Variants in NKAIN2 observed in about 807,000 individuals in gnomAD.
The protein encoded by NKAIN2 is sodium/potassium-transporting ATPase subunit beta-1-interacting protein 2.
In NKAIN2, 14 loss-of-function variants were observed where a neutral mutation model predicts 32.6. The ratio of observed to expected loss-of-function variants is 0.43; its 90% CI spans 0.28 to 0.67. The LOEUF is 0.67. Among genes scored for constraint, NKAIN2 ranks in the 30% least tolerant of loss-of-function variants. The probability of loss-of-function intolerance (pLI) is 0.17; values close to 1 mark genes in which losing one functional copy is unlikely to be tolerated. For missense variants in NKAIN2, 198 were observed against 258.3 expected, an observed-to-expected ratio of 0.77 and a Z score of 1.60; for synonymous variants, 80 against 87.2, an observed-to-expected ratio of 0.92 and a Z score of 0.46.
At chr6:123,886,878 C>T (rs894757634) in intron 1 of NKAIN2, among the ~76,000 whole-genome samples, 1 of 152,016 alleles carries the variant, frequency 6.6e-6, no homozygotes, top group Non-Finnish European at 1.5e-5. Context: ...TTGAAAAATA[C>T]TTAGTGAAAC....
At chr6:124,005,777 G>A (rs1543034) in intron 1 of NKAIN2, among the ~76,000 whole-genome samples, 74,860 of 151,974 alleles carry the variant, frequency 0.49, 18,538 homozygotes, top group East Asian at 0.6. Context: ...CAGGGTGACA[G>A]TGGTACAAGA....
At chr6:124,236,001 A>G (rs1359632992) in intron 1 of NKAIN2, among the ~76,000 whole-genome samples, 4 of 152,110 alleles carry the variant, frequency 2.6e-5, no homozygotes, top group Non-Finnish European at 5.9e-5. Context: ...CAGAGGCAGA[A>G]AATATGTAGT....
chr6:123,977,703 C>G (rs1432416938), intron 1 of NKAIN2, among the ~76,000 whole-genome samples: 1 of 152,176 alleles, frequency 6.6e-6, no homozygotes, highest in Non-Finnish European at 1.5e-5. Flanking sequence ...GTTTGCACTT[C>G]AGACATTCTT....
intron 3 of NKAIN2, among the ~76,000 whole-genome samples, chr6:124,482,094 G>C (rs1777476082): frequency 6.6e-6 from 1 of 152,122 alleles, no homozygotes; most frequent in Non-Finnish European, 1.5e-5. Context: ...ATCTGGGTTA[G>C]AAAGCAGAGT....
chr6:124,024,570 T>A (rs1374860141), intron 1 of NKAIN2, among the ~76,000 whole-genome samples: 1 of 144,356 alleles, frequency 6.9e-6, no homozygotes, highest in Admixed American at 6.7e-5. Flanking sequence ...CTTAGGCTCA[T>A]TTTTTATACT....
intron 1 of NKAIN2, among the ~76,000 whole-genome samples, chr6:124,257,780 C>CTTTTTT (rs374874073): frequency 7.3e-6 from 1 of 136,210 alleles, no homozygotes; most frequent in African/African-American, 2.8e-5. Context: ...TTTTTCTTTT[C>CTTTTTT]TTTTTTTTTT....
intron 1 of NKAIN2, among the ~76,000 whole-genome samples, chr6:124,229,437 C>T (rs1792307895): frequency 6.6e-6 from 1 of 151,984 alleles, no homozygotes; most frequent in Non-Finnish European, 1.5e-5. Flanking sequence ...ATACAATTTA[C>T]TTTCTGGTAA....
chr6:124,774,000 C>T (rs866919379), intron 4 of NKAIN2, among the ~76,000 whole-genome samples: 2 of 152,230 alleles, frequency 1.3e-5, no homozygotes, highest in East Asian at 1.9e-4. Context: ...TGGGGAGACA[C>T]ATTATGTCAC....
chr6:124,649,600 C>T (rs1054796444), intron 3 of NKAIN2, among the ~76,000 whole-genome samples: 1 of 152,260 alleles, frequency 6.6e-6, no homozygotes, highest in Non-Finnish European at 1.5e-5. Context: ...ACACTAACTT[C>T]GTAACACAGT....
In NKAIN2 at chr6:123,803,877, G is replaced by A. The variant is rs1053731563; in HGVS notation, c.-324G>A. ...AACTTCGCGGGCCAGATGCCCGAGG[G>A]CGCGGCGGCGCTGCCAGGCTGCCGC... On this transcript the variant is annotated 5_prime_UTR_variant, in exon 1 of 7. Transcript: ENST00000368417. Among the ~76,000 whole-genome samples the A allele has an allele frequency of 1.4e-5, 2 of 147,842 alleles. No individual in the cohort carries two copies. Among genetic ancestry groups the A allele is most frequent in the East Asian group, 4.0e-4 (2 of 5,056 alleles).
intron 1 of NKAIN2, among the ~76,000 whole-genome samples, chr6:123,954,272 A>G (rs1777465263): frequency 6.6e-6 from 1 of 152,142 alleles, no homozygotes; most frequent in African/African-American, 2.4e-5. Context: ...ATACAGCGTG[A>G]GCTCCCTCTC....
intron 4 of NKAIN2, among the ~76,000 whole-genome samples, chr6:124,704,115 G>T (rs1005781028): frequency 1.3e-5 from 2 of 151,800 alleles, no homozygotes; most frequent in South Asian, 4.1e-4. Context: ...AATGACAAAA[G>T]AACTATTTAT....
intron 1 of NKAIN2, among the ~76,000 whole-genome samples, chr6:123,977,315 G>C (rs540655052): frequency 6.6e-5 from 10 of 152,258 alleles, no homozygotes; most frequent in Admixed American, 3.3e-4. Context: ...GGAAGCTGAG[G>C]CAAGAGGATC....
intron 1 of NKAIN2, among the ~76,000 whole-genome samples, chr6:124,036,875 C>T (rs1781624395): frequency 6.6e-6 from 1 of 152,112 alleles, no homozygotes; most frequent in South Asian, 2.1e-4. Context: ...CCCTCAGCCT[C>T]CAGCTAAAAT....
Position 124,687,739 on chromosome 6 carries a change from T to TAC in NKAIN2, c.474+29354_474+29355insCA, listed in dbSNP as rs1194925030. ...ATATATATAATATAAATATATATGA[T>TAC]ATATACACACACACACACACACACA... On this transcript the variant is annotated intron_variant, in intron 4 of 6. Transcript: ENST00000368417. 3.2e-4 allele frequency among the ~76,000 whole-genome samples: 10 copies of TAC among 31,358 alleles called. 1 individual carries two copies. Among genetic ancestry groups the TAC allele is most frequent in the African/African-American group, 9.8e-4 (10 of 10,218 alleles). The allele number at this position is 31,358 out of a possible 152,430, so 20.6% of individuals were successfully genotyped here. A position where few individuals can be genotyped will look rare whatever the true frequency, so the allele number is the denominator to read the frequency against.
intron 1 of NKAIN2, among the ~76,000 whole-genome samples, chr6:124,093,284 T>C (rs1275922649): frequency 1.3e-5 from 2 of 152,106 alleles, no homozygotes; most frequent in African/African-American, 4.8e-5. Context: ...CAGTTTATTG[T>C]TGTAATCATG....
intron 1 of NKAIN2, among the ~76,000 whole-genome samples, chr6:124,038,248 T>C (rs1490183701): frequency 3.3e-5 from 5 of 152,126 alleles, no homozygotes; most frequent in Admixed American, 6.6e-5. Context: ...GAAAAGTTTT[T>C]TTTTTTTTGA....
chr6:124,724,786 G>A (rs1191699876), intron 4 of NKAIN2, among the ~76,000 whole-genome samples: 1 of 152,158 alleles, frequency 6.6e-6, no homozygotes, highest in Non-Finnish European at 1.5e-5. Flanking sequence ...ATGCATAAAT[G>A]AATTAAGCCC....
At chr6:124,284,738 C>T (rs73565679) in intron 2 of NKAIN2, among the ~76,000 whole-genome samples, 60 of 151,818 alleles carry the variant, frequency 4.0e-4, no homozygotes, top group African/African-American at 1.3e-3. Context: ...ATTTAAAAAG[C>T]CCCCAATAAA....
Sources: gnomAD v4.1 joint callset for allele counts (sites outside exome capture counted in the v4.1 genomes callset) on GRCh38, gnomAD v4.1.1 for gene constraint, MANE v1.5 for transcripts, NCBI Gene and HGNC (gene_info 2026-07-23, HGNC 2026-07-21) for gene names.